The following SLC6A18 variants were observed in gnomAD, a reference collection of about 807,000 sequenced individuals.
The protein encoded by SLC6A18 is inactive sodium-dependent neutral amino acid transporter B(0)AT3.
In SLC6A18, 58 loss-of-function variants were observed where a neutral mutation model predicts 62.9. The ratio of observed to expected loss-of-function variants is 0.92; its 90% CI spans 0.75 to 1.15. The LOEUF is 1.15. Among genes scored for constraint, SLC6A18 ranks in the 50% most tolerant of loss-of-function variants. The probability of loss-of-function intolerance (pLI) is 0.00; values close to 1 mark genes in which losing one functional copy is unlikely to be tolerated. For missense variants in SLC6A18, 793 were observed against 836.6 expected (o/e 0.95, Z 0.64); for synonymous variants, 382 against 365.8 (o/e 1.04, Z -0.51).
Position 1,232,262 on chromosome 5 carries a change from G to A in SLC6A18, c.204G>A (p.Gly68=). Reference sequence around the variant, plus strand: ...ACGTCATCGCGCTGGTCTTCGAGGGGATCCCCATTTTCCACGTCGAGCTCG... The same window carrying A: ...ACGTCATCGCGCTGGTCTTCGAGGGAATCCCCATTTTCCACGTCGAGCTCG... ...IPYVIALVFE[G]IPIFHVELAI... Residue 68 remains glycine, a synonymous_variant, in exon 2 of 12, where the codon GGG becomes GGA. Transcript: ENST00000324642. 3 of 1,613,032 alleles carry A rather than the reference G, an allele frequency of 1.9e-6. No individual in the cohort carries two copies. Among genetic ancestry groups the A allele is most frequent in the Non-Finnish European group, 2.5e-6 (3 of 1,179,860 alleles).
At chr5:1,236,465 A>G (rs1461239355) in intron 4 of SLC6A18, among the ~76,000 whole-genome samples, 1 of 152,254 alleles carries the variant, frequency 6.6e-6, no homozygotes, top group Non-Finnish European at 1.5e-5. Context: ...GGCTTAAATA[A>G]TGAGAAAAAC....
At position 1,243,817 on chromosome 5, in the gene SLC6A18, C is replaced by G; in HGVS notation, c.1336+58C>G. ...CGTCCCCAGCATCTGACTGTCCACT[C>G]CCGCCCGCTGTCCAGACGCCCCTCC... On this transcript the variant is annotated intron_variant, in intron 9 of 11. Transcript: ENST00000324642. The surrounding 1 kb of genome is among the most constrained non-coding windows in gnomAD (Gnocchi z 6.5). 6.8e-7 allele frequency: 1 copy of G among 1,479,888 alleles called. No homozygotes were observed. Among genetic ancestry groups the G allele is most frequent in the Non-Finnish European group, 9.1e-7 (1 of 1,101,268 alleles). The allele number at this position is 1,479,888 out of a possible 1,614,324, so 91.7% of individuals were successfully genotyped here.
intron 3 of SLC6A18, among the ~76,000 whole-genome samples, chr5:1,233,882 C>T (rs1181397677): frequency 1.3e-5 from 2 of 152,108 alleles, no homozygotes; most frequent in Admixed American, 6.5e-5. Context: ...GCTAGGACTA[C>T]AGGCGCCTGC....
rs781287034 is a variant in SLC6A18 at position 1,244,660 on chromosome 5, C to T, written c.1549C>T (p.Arg517Trp). The T allele has an allele frequency of 5.0e-6, 8 of 1,611,260 alleles. No individual in the cohort carries two copies. The highest frequency in any genetic ancestry group is 3.3e-5 in the Admixed American group (2 of 59,948). ...MTGRRPSPYW[R>W]LTWRVVSPLL... The stretch of plus-strand genomic sequence containing the variant: ...CGGGAGGCGGCCCAGCCCCTACTGG[C>T]GGCTGACCTGGAGGGTGGTCAGTCC... Residue 517 changes from arginine (R) to tryptophan (W), a missense_variant, in exon 11 of 12, where the codon CGG becomes TGG. Physicochemically the swap from Arg to Trp is moderately radical, Grantham distance 101 (BLOSUM62 -3). Coordinates refer to ENST00000324642, the MANE Select transcript of SLC6A18 (RefSeq NM_182632.3).
Position 1,235,614 on chromosome 5 carries a change from G to A in SLC6A18, c.573G>A (p.Trp191Ter). ...WWLLICLAAS[W>*]AVVYMCVIRG... ...TGCTCATCTGCTTGGCAGCCTCCTG[G>A]GCAGTCGTGTACATGTGTGTCATCA... The change falls in exon 4 of 12, where the codon TGG (tryptophan) becomes TGA (stop). Residue 191 changes from tryptophan (W) to a stop codon, truncating the protein, a stop_gained. Coordinates refer to ENST00000324642, the MANE Select transcript of SLC6A18 (RefSeq NM_182632.3). LOFTEE classifies it high-confidence loss of function. 1.2e-6 allele frequency: 2 copies of A among 1,614,016 alleles called. No individual in the cohort carries two copies. The highest frequency in any genetic ancestry group is 2.2e-5 in the East Asian group (1 of 44,884).
intron 3 of SLC6A18, 132 bp from the exon 4 acceptor site, chr5:1,235,349 A>T: frequency 1.2e-6 from 1 of 820,958 alleles, no homozygotes; most frequent in Non-Finnish European, 1.9e-6. Context: ...CCCTGGGCCC[A>T]AAAAGAAGTG....
intron 7 of SLC6A18, 127 bp downstream of exon 7, chr5:1,240,786 GA>G: frequency 7.5e-7 from 1 of 1,328,436 alleles, no homozygotes; most frequent in Non-Finnish European, 1.0e-6. Flanking sequence ...GGTGTGGAGT[GA>G]ATGGTGTCCC....
rs551118855 is a variant in SLC6A18, at chr5:1,235,773, C to T, written c.621+111C>T. The T allele has an allele frequency of 2.9e-4, 315 of 1,076,898 alleles. 2 individuals carry two copies. The South Asian group carries it at 4.1e-3, about 14-fold the overall frequency. The allele number at this position is 1,076,898 out of a possible 1,614,324, so 66.7% of individuals were successfully genotyped here. On this transcript the variant is annotated intron_variant, in intron 4 of 11. Transcript: ENST00000324642. ...TACAAGCTCTTGCGAGGGGCATAAA[C>T]ATCTAGGATTGCAACGTCTTCTTAG...
At chr5:1,226,880 G>T (rs73034513) in intron 1 of SLC6A18, among the ~76,000 whole-genome samples, 3,167 of 152,208 alleles carry the variant, frequency 0.021, 115 homozygotes, top group African/African-American at 0.072. Context: ...TGGAAATGCC[G>T]GCCAACGCTT....
At chr5:1,226,659 G>A (rs771193835) in intron 1 of SLC6A18, among the ~76,000 whole-genome samples, 1 of 152,280 alleles carries the variant, frequency 6.6e-6, no homozygotes. Context: ...GGGCACTGGG[G>A]TCTCTTTGGG....
At chr5:1,231,203 C>T (rs1381380215) in intron 1 of SLC6A18, among the ~76,000 whole-genome samples, 4 of 152,222 alleles carry the variant, frequency 2.6e-5, no homozygotes, top group African/African-American at 9.6e-5. Context: ...CCTTGTCTGC[C>T]CCTTCCACTG....
rs190774245 is a variant in SLC6A18 at position 1,227,112 on chromosome 5, G to A, written c.160+1475G>A. On this transcript the variant is annotated intron_variant, in intron 1 of 11. Coordinates refer to ENST00000324642, the MANE Select transcript of SLC6A18 (RefSeq NM_182632.3). ...CGCCTTGCCCGCCGACGCCTTGCCC[G>A]CCGACGCCTTGCCCGTCGATGCCTT... 2.3e-3 allele frequency among the ~76,000 whole-genome samples: 317 copies of A among 139,884 alleles called. 2 individuals are homozygous for A. Among genetic ancestry groups the A allele is most frequent in the African/African-American group, 8.3e-3 (303 of 36,630 alleles). 91.8% of individuals were successfully genotyped at this position (139,884 alleles called of 152,430 possible).
chr5:1,242,079 T>TG (rs1747075073), intron 7 of SLC6A18, among the ~76,000 whole-genome samples: 1 of 1,318 alleles, frequency 7.6e-4, no homozygotes. Context: ...GACAGAAGGG[T>TG]GGGCGGGTGG....
rs1262578917 is a variant in SLC6A18, at chr5:1,240,549, T to G, written c.864T>G (p.Asp288Glu). 3.7e-6 allele frequency: 6 copies of G among 1,614,140 alleles called. No homozygotes were observed. In the East Asian group the frequency reaches 1.3e-4, roughly 36 times the overall value. ...YNSPRNDCQK[D>E]AVVIALVNRM... The stretch of plus-strand genomic sequence containing the variant: ...TGCCCAGGAATGACTGCCAGAAGGA[T>G]GCGGTGGTCATCGCCCTGGTCAACA... Residue 288 changes from aspartate (D) to glutamate (E), a missense_variant, in exon 7 of 12, where the codon GAT becomes GAG. Coordinates refer to ENST00000324642, the MANE Select transcript of SLC6A18 (RefSeq NM_182632.3).
At position 1,243,928 on chromosome 5, in the gene SLC6A18, C is replaced by T. The variant is rs1013993318; in HGVS notation, c.1336+169C>T. ...TTGCTGACAGCCATCAACGGAGAGC[C>T]GAGGGTCGAGGGAGGGTCAGGGCTG... On this transcript the variant is annotated intron_variant, in intron 9 of 11. Transcript: ENST00000324642. The surrounding 1 kb of genome is among the most constrained non-coding windows in gnomAD (Gnocchi z 6.5). Among the ~76,000 whole-genome samples, 4 of 152,124 alleles carry T rather than the reference C, an allele frequency of 2.6e-5. No homozygotes were observed. The highest frequency in any genetic ancestry group is 6.5e-5 in the Admixed American group (1 of 15,278).
intron 1 of SLC6A18, among the ~76,000 whole-genome samples, chr5:1,230,440 C>G (rs1256668535): frequency 6.6e-6 from 1 of 152,178 alleles, no homozygotes; most frequent in Non-Finnish European, 1.5e-5. Flanking sequence ...GAGGCTGACC[C>G]CGTAGACCTC....
intron 4 of SLC6A18, among the ~76,000 whole-genome samples, chr5:1,237,598 T>A (rs1450770963): frequency 6.6e-6 from 1 of 151,962 alleles, no homozygotes; most frequent in African/African-American, 2.4e-5. Context: ...TGGAGGTGGG[T>A]GGCTTGGGAG....
chr5:1,239,637 A>G (rs1406671795), intron 6 of SLC6A18, 75 bp downstream of exon 6: 1 of 1,145,508 alleles, frequency 8.7e-7, no homozygotes, highest in East Asian at 2.4e-5. Context: ...TCTCAGGATC[A>G]CACTGTGGAT....
Position 1,244,230 on chromosome 5 carries a change from C to T in SLC6A18, c.1353C>T (p.Val451=). ...KEALTGLVCL[V]CFLSATCFTL... ...CTGCCCCAGGGCTGGTCTGCCTGGT[C>T]TGCTTCCTCTCCGCCACCTGCTTCA... Residue 451 remains valine (V), a synonymous_variant, in exon 10 of 12, where the codon GTC becomes GTT. Transcript: ENST00000324642. 1 of 1,391,398 alleles carries T rather than the reference C, an allele frequency of 7.2e-7. No homozygotes were observed. The allele number at this position is 1,391,398 out of a possible 1,614,324, so 86.2% of individuals were successfully genotyped here.
Sources: gnomAD v4.1 joint callset for allele counts (sites outside exome capture counted in the v4.1 genomes callset) on GRCh38, gnomAD v4.1.1 for gene constraint, Gnocchi (gnomAD v3.1) non-coding constraint, MANE v1.5 for transcripts, NCBI Gene and HGNC (gene_info 2026-07-23, HGNC 2026-07-21) for gene names.